SRPK2: variants seen among roughly 807,000 people sequenced by gnomAD.
SRPK2 encodes the protein SFRS protein kinase 2.
In SRPK2, 21 loss-of-function variants were observed where a neutral mutation model predicts 90.8. The ratio of observed to expected loss-of-function variants is 0.23; its 90% confidence interval spans 0.16 to 0.33. SRPK2 has a LOEUF of 0.33. SRPK2 is among the 10% of genes least tolerant of loss of function. The pLI is 1.00. For synonymous variants in SRPK2, 288 were observed against 311.1 expected (o/e 0.93, Z 0.78); for missense variants, 620 against 869.0 (o/e 0.71, Z 3.60).
At chr7:105,265,757 T>C (rs1804978373) in intron 2 of SRPK2, among the ~76,000 whole-genome samples, 1 of 151,906 alleles carries the variant, frequency 6.6e-6, no homozygotes. Context: ...AAAAGGAAAA[T>C]ACCTGCAGTA....
At chr7:105,225,882 A>G (rs1475859276) in intron 2 of SRPK2, among the ~76,000 whole-genome samples, 2 of 152,222 alleles carry the variant, frequency 1.3e-5, no homozygotes, top group African/African-American at 4.8e-5. Context: ...TATTTAAAGT[A>G]AAAATAAGCA....
chr7:105,218,566 T>C (rs529848872), intron 2 of SRPK2, among the ~76,000 whole-genome samples: 53 of 152,286 alleles, frequency 3.5e-4, no homozygotes, highest in African/African-American at 1.0e-3. Context: ...GAAAGGCAGA[T>C]AGAAATAAGA....
At chr7:105,376,139 CG>C (rs769541511) in intron 2 of SRPK2, among the ~76,000 whole-genome samples, 2 of 151,454 alleles carry the variant, frequency 1.3e-5, no homozygotes, top group Non-Finnish European at 2.9e-5. Flanking sequence ...GGACTACAGG[CG>C]CCCGCCACCA....
chr7:105,185,319 CA>C (rs1190525800), intron 3 of SRPK2, among the ~76,000 whole-genome samples: 2 of 151,668 alleles, frequency 1.3e-5, no homozygotes, highest in Non-Finnish European at 2.9e-5. Context: ...AAAAATTTAA[CA>C]ATTAAAATAA....
chr7:105,141,898 G>A, intron 11 of SRPK2, 110 bp downstream of exon 11: 1 of 1,236,302 alleles, frequency 8.1e-7, no homozygotes, highest in Non-Finnish European at 1.1e-6. Context: ...AAACTGATCA[G>A]TACACACACA....
Position 105,388,849 on chromosome 7 carries a change from C to G in SRPK2, c.-43G>C. The G allele has an allele frequency of 7.6e-7, 1 of 1,313,578 alleles. No homozygotes were observed. Among genetic ancestry groups the G allele is most frequent in the South Asian group, 2.1e-5 (1 of 47,088 alleles). 81.4% of individuals were successfully genotyped at this position (1,313,578 alleles called of 1,614,324 possible). A position where few individuals can be genotyped will look rare whatever the true frequency, so the allele number is the denominator to read the frequency against. ...GGGGCGGGGGGCTTCGCGACGGCGA[C>G]GCGGGCGCCGAGACGAGCTGGGCTG... is the stretch of plus-strand genomic sequence containing the variant. On this transcript the variant is annotated 5_prime_UTR_variant, in exon 1 of 16. Coordinates refer to ENST00000393651, the MANE Select transcript of SRPK2 (RefSeq NM_182692.3).
intron 2 of SRPK2, among the ~76,000 whole-genome samples, chr7:105,343,134 G>A (rs546958253): frequency 2.6e-5 from 4 of 152,294 alleles, no homozygotes; most frequent in South Asian, 4.1e-4. Context: ...GCAAACATTT[G>A]TAAAATGTGT....
At chr7:105,221,912 A>T (rs1039274520) in intron 2 of SRPK2, among the ~76,000 whole-genome samples, 1 of 152,226 alleles carries the variant, frequency 6.6e-6, no homozygotes, top group African/African-American at 2.4e-5. Context: ...CAGATAAACC[A>T]AAATAACTCC....
chr7:105,368,925 C>T (rs1819389965), intron 2 of SRPK2, among the ~76,000 whole-genome samples: 2 of 147,626 alleles, frequency 1.4e-5, no homozygotes, highest in Non-Finnish European at 1.5e-5. Flanking sequence ...TCCTTCAGTC[C>T]TTCATTTTTC....
chr7:105,233,753 A>C (rs1021233783), intron 2 of SRPK2, among the ~76,000 whole-genome samples: 3 of 152,122 alleles, frequency 2.0e-5, no homozygotes, highest in African/African-American at 7.2e-5. Flanking sequence ...CTAGCTACTC[A>C]GGAGACTGAA....
chr7:105,266,351 A>G (rs1307861014), intron 2 of SRPK2, among the ~76,000 whole-genome samples: 1 of 152,110 alleles, frequency 6.6e-6, no homozygotes, highest in Non-Finnish European at 1.5e-5. Context: ...ATGAGATGAA[A>G]AATTACTAGA....
intron 3 of SRPK2, among the ~76,000 whole-genome samples, chr7:105,174,028 T>G (rs973363490): frequency 6.6e-6 from 1 of 150,436 alleles, no homozygotes; most frequent in African/African-American, 2.4e-5. Flanking sequence ...GTGGATTGTT[T>G]GAGCCCAAGA....
At chr7:105,133,226 G>C (rs1036150241) in intron 11 of SRPK2, 122 bp from the exon 12 acceptor site, 1 of 860,414 alleles carries the variant, frequency 1.2e-6, no homozygotes, top group Non-Finnish European at 1.9e-6. Context: ...CTTAGGCCTG[G>C]AATACTGTAA....
chr7:105,169,386 A>T, intron 3 of SRPK2, 121 bp from the exon 4 acceptor site: 1 of 686,238 alleles, frequency 1.5e-6, no homozygotes, highest in East Asian at 2.8e-5. Context: ...ATGCAGACTA[A>T]AACATGTTTA....
chr7:105,135,857 T>G (rs983431057), intron 11 of SRPK2, among the ~76,000 whole-genome samples: 1 of 151,064 alleles, frequency 6.6e-6, no homozygotes, highest in East Asian at 2.0e-4. Flanking sequence ...CTCCACCTCC[T>G]AGATTCAAGC....
chr7:105,159,345 G>T (rs559113723), intron 7 of SRPK2, among the ~76,000 whole-genome samples: 7 of 149,404 alleles, frequency 4.7e-5, no homozygotes, highest in Non-Finnish European at 1.0e-4. Flanking sequence ...AATTAGCTGG[G>T]TGTGGTACCA....
chr7:105,268,730 GAA>G, intron 2 of SRPK2: 3 of 1,472,426 alleles, frequency 2.0e-6, no homozygotes, highest in Non-Finnish European at 1.9e-6. Flanking sequence ...AACTTGACAA[GAA>G]AAAAAAATAT....
chr7:105,284,256 C>G (rs1225157480), intron 2 of SRPK2, among the ~76,000 whole-genome samples: 2 of 152,034 alleles, frequency 1.3e-5, no homozygotes, highest in Admixed American at 6.6e-5. Context: ...TTATAAAGGT[C>G]AGAATGACTT....
chr7:105,374,999 C>A (rs1293578596), intron 2 of SRPK2, among the ~76,000 whole-genome samples: 1 of 152,088 alleles, frequency 6.6e-6, no homozygotes, highest in Non-Finnish European at 1.5e-5. Context: ...AACAAAAACA[C>A]AGGAAGAGAA....
Sources: allele counts gnomAD v4.1 joint callset (sites outside exome capture counted in the v4.1 genomes callset), GRCh38; gene constraint gnomAD v4.1.1; transcripts MANE v1.5; gene names NCBI Gene and HGNC (gene_info 2026-07-23, HGNC 2026-07-21).